Variants in AFAP1 observed in about 807,000 individuals in gnomAD.
The protein encoded by AFAP1 is actin filament associated protein 1.
A neutral mutation model predicts 93.9 loss-of-function variants in AFAP1; 75 were observed. The ratio of observed to expected loss-of-function variants is 0.80; its 90% CI spans 0.66 to 0.97. The LOEUF (loss-of-function observed/expected upper bound fraction) is 0.97, where lower values mean the gene tolerates loss of function less well. Among genes scored for constraint, AFAP1 ranks in the 50% least tolerant of loss-of-function variants. The pLI, the probability that AFAP1 is intolerant of heterozygous loss-of-function variation, is 0.00. For missense variants in AFAP1, 1,201 were observed against 1,050.8 expected (o/e 1.14, Z -1.98); for synonymous variants, 517 against 430.7 (o/e 1.20, Z -2.48).
intron 3 of AFAP1, among the ~76,000 whole-genome samples, chr4:7,863,997 A>C (rs79281398): frequency 0.01 from 1,256 of 120,736 alleles, no homozygotes; most frequent in African/African-American, 0.015. Flanking sequence ...CCATCACAAC[A>C]CCTTCCCAAC....
At chr4:7,867,629 C>A (rs1165923543) in intron 3 of AFAP1, among the ~76,000 whole-genome samples, 1 of 152,170 alleles carries the variant, frequency 6.6e-6, no homozygotes. Context: ...TTGAGCAAAC[C>A]ACACACCTTC....
intron 1 of AFAP1, among the ~76,000 whole-genome samples, chr4:7,892,858 G>A (rs1363879675): frequency 6.6e-6 from 1 of 152,106 alleles, no homozygotes; most frequent in Non-Finnish European, 1.5e-5. Flanking sequence ...CAGCGGGGTG[G>A]GGGATCCTAT....
At chr4:7,845,883 T>TG (rs34608904) in intron 4 of AFAP1, among the ~76,000 whole-genome samples, 9 of 151,520 alleles carry the variant, frequency 5.9e-5, no homozygotes, top group Admixed American at 1.3e-4. Context: ...GGCACAGGGG[T>TG]GGGGGGGGCA....
intron 9 of AFAP1, among the ~76,000 whole-genome samples, chr4:7,803,322 G>A (rs1200686520): frequency 6.6e-6 from 1 of 152,244 alleles, no homozygotes; most frequent in African/African-American, 2.4e-5. Context: ...TCAGGGCCCA[G>A]GCAACCCTTC....
chr4:7,771,354 A>ACACACACACACCTTT (rs1715407453), intron 16 of AFAP1, among the ~76,000 whole-genome samples: 2 of 151,582 alleles, frequency 1.3e-5, no homozygotes, highest in Admixed American at 1.3e-4. Context: ...GTGTATGTAC[A>ACACACACACACCTTT]CACACACACA....
In AFAP1 at chr4:7,822,326, T is replaced by G. The variant is rs539091575; in HGVS notation, c.727-3155A>C. On this transcript the variant is annotated intron_variant, in intron 6 of 17. Transcript: ENST00000420658. The stretch of plus-strand genomic sequence containing the variant: ...TACCTCAGGGGGTCATTGTGAAAAC[T>G]AAACGTTAAAACAAATGTGAAGTAT... Among the ~76,000 whole-genome samples, 66 of 152,212 alleles carry G rather than the reference T, an allele frequency of 4.3e-4. No homozygotes were observed. In the East Asian group the frequency reaches 9.9e-3, roughly 23 times the overall value.
At chr4:7,772,516 G>A (rs144472840) in intron 16 of AFAP1, 1 of 286,552 alleles carries the variant, frequency 3.5e-6, no homozygotes, top group African/African-American at 2.2e-5. Flanking sequence ...ATCAAATCAT[G>A]ACCTGGTTCA....
At chr4:7,879,391 G>A (rs1236059647) in intron 1 of AFAP1, among the ~76,000 whole-genome samples, 5 of 152,166 alleles carry the variant, frequency 3.3e-5, no homozygotes, top group African/African-American at 1.2e-4. Context: ...ATATCTACAC[G>A]TGAACCACCT....
At chr4:7,777,103 A>C (rs912452641) in intron 14 of AFAP1, 8 of 152,218 alleles carry the variant, frequency 5.3e-5, no homozygotes, top group African/African-American at 1.9e-4. Context: ...CACCATGGCG[A>C]TTGAGACTCC....
chr4:7,800,941 T>C (rs991211231), intron 9 of AFAP1, among the ~76,000 whole-genome samples: 6 of 152,158 alleles, frequency 3.9e-5, no homozygotes, highest in Admixed American at 6.5e-5. Flanking sequence ...TGTGGGACTA[T>C]GGAATTCACC....
At chr4:7,935,913 T>G (rs1159265606) in intron 1 of AFAP1, among the ~76,000 whole-genome samples, 2 of 152,050 alleles carry the variant, frequency 1.3e-5, no homozygotes, top group Non-Finnish European at 2.9e-5. Context: ...GAAAAACACC[T>G]CGACACAGAA....
At chr4:7,845,556 G>A (rs915540273) in intron 4 of AFAP1, among the ~76,000 whole-genome samples, 8 of 152,196 alleles carry the variant, frequency 5.3e-5, no homozygotes, top group Middle Eastern at 3.4e-3. Context: ...CAGAGGCCAC[G>A]AGGGATGCAA....
chr4:7,774,854 C>T lies in AFAP1; in HGVS notation c.1947G>A (p.Lys649=), dbSNP rs747113430. The change falls in exon 15 of 18, where the codon AAG becomes AAA. Residue 649 remains lysine, a synonymous_variant. Transcript: ENST00000420658. ...YGKNRVEADA[K]RLQTKEEELL... ...GCTCCTCCTCTTTGGTCTGTAGCCG[C>T]TTGGCATCTGCTTCTACCCGGTTCT... The T allele has an allele frequency of 1.2e-6, 2 of 1,614,222 alleles. No individual in the cohort carries two copies. Among genetic ancestry groups the T allele is most frequent in the South Asian group, 1.1e-5 (1 of 91,086 alleles).
chr4:7,891,610 G>C (rs186930959), intron 1 of AFAP1, among the ~76,000 whole-genome samples: 116 of 152,068 alleles, frequency 7.6e-4, no homozygotes, highest in African/African-American at 2.7e-3. Flanking sequence ...AGGCTCTAAT[G>C]AATTGTATTC....
At chr4:7,797,813 G>A (rs1718579391) in intron 10 of AFAP1, among the ~76,000 whole-genome samples, 1 of 151,972 alleles carries the variant, frequency 6.6e-6, no homozygotes, top group Non-Finnish European at 1.5e-5. Flanking sequence ...AAGTATTTAG[G>A]GATAAAAGCA....
chr4:7,768,453 T>C (rs989338044), intron 17 of AFAP1, among the ~76,000 whole-genome samples: 1 of 152,154 alleles, frequency 6.6e-6, no homozygotes, highest in African/African-American at 2.4e-5. Context: ...TCCTGGACCC[T>C]TTCCTTTGTT....
intron 1 of AFAP1, among the ~76,000 whole-genome samples, chr4:7,874,158 T>G (rs1717313301): frequency 6.6e-6 from 1 of 152,250 alleles, no homozygotes; most frequent in Admixed American, 6.5e-5. Context: ...AAGATCCACC[T>G]AAAGAGCAAA....
intron 1 of AFAP1, among the ~76,000 whole-genome samples, chr4:7,931,664 T>C (rs1721076280): frequency 6.6e-6 from 1 of 151,842 alleles, no homozygotes; most frequent in East Asian, 1.9e-4. Flanking sequence ...ATTACGGGTG[T>C]GAGCCACCAC....
At chr4:7,934,052 A>C (rs545687406) in intron 1 of AFAP1, among the ~76,000 whole-genome samples, 1 of 152,344 alleles carries the variant, frequency 6.6e-6, no homozygotes, top group African/African-American at 2.4e-5. Flanking sequence ...ATTTCCTTAC[A>C]TCCAAAGGCA....
Sources: allele counts gnomAD v4.1 joint callset (sites outside exome capture counted in the v4.1 genomes callset), GRCh38; gene constraint gnomAD v4.1.1; transcripts MANE v1.5; gene names NCBI Gene and HGNC (gene_info 2026-07-23, HGNC 2026-07-21).